Variants in ZNF280D observed in about 807,000 individuals in gnomAD.
The protein encoded by ZNF280D is suppressor of hairy wing homolog 4.
ZNF280D carries 39 observed loss-of-function variants against 94.7 expected under a neutral mutation model. The ratio of observed to expected loss-of-function variants is 0.41; its 90% confidence interval spans 0.32 to 0.54. The LOEUF (loss-of-function observed/expected upper bound fraction) is 0.54, where lower values mean the gene tolerates loss of function less well. Ranked by LOEUF, ZNF280D falls within the 20% of genes least tolerant of loss-of-function variation. ZNF280D has a pLI of 0.22. For missense variants in ZNF280D, 1,090 were observed against 1,149.3 expected (o/e 0.95, Z 0.75); for synonymous variants, 398 against 377.6 (o/e 1.05, Z -0.63).
chr15:56,704,641 T>G (rs908939972), intron 3 of ZNF280D, among the ~76,000 whole-genome samples: 4 of 152,126 alleles, frequency 2.6e-5, no homozygotes, highest in African/African-American at 9.7e-5. Flanking sequence ...CTAAGAATAA[T>G]AGGCAACAGG....
Position 56,662,549 on chromosome 15 carries a change from GGCACGGTGGCTCAT to G in ZNF280D, c.1994+3832_1994+3845del, listed in dbSNP as rs2054012242. Among the ~76,000 whole-genome samples, 5 of 152,150 alleles carry G rather than the reference GGCACGGTGGCTCAT, an allele frequency of 3.3e-5. No individual in the cohort carries two copies. The South Asian group carries it at 1.0e-3, about 32-fold the overall frequency. On this transcript the variant is annotated intron_variant, in intron 16 of 21. Coordinates refer to ENST00000267807, the MANE Select transcript of ZNF280D (RefSeq NM_017661.4). The stretch of plus-strand genomic sequence containing the variant: ...TACAATAAAAGGCAAAATAGGGCCA[GGCACGGTGGCTCAT>G]GCCTGTAATCCAGCACTTTGGGAGG...
At chr15:56,720,370 C>A (rs1193395651) in intron 1 of ZNF280D, among the ~76,000 whole-genome samples, 1 of 152,224 alleles carries the variant, frequency 6.6e-6, no homozygotes, top group African/African-American at 2.4e-5. Context: ...GGCTCCACTT[C>A]TAAATCCGGC....
chr15:56,659,432 A>C (rs181461743), intron 16 of ZNF280D, among the ~76,000 whole-genome samples: 1 of 152,084 alleles, frequency 6.6e-6, no homozygotes, highest in Non-Finnish European at 1.5e-5. Context: ...TTACACACAT[A>C]CAGCACAATA....
At chr15:56,720,403 C>G (rs1217215245) in intron 1 of ZNF280D, among the ~76,000 whole-genome samples, 1 of 152,206 alleles carries the variant, frequency 6.6e-6, no homozygotes, top group Non-Finnish European at 1.5e-5. Context: ...CCCATCACAT[C>G]TGCAGTTACT....
At chr15:56,684,997 G>C (rs2055898927) in intron 9 of ZNF280D, among the ~76,000 whole-genome samples, 1 of 152,070 alleles carries the variant, frequency 6.6e-6, no homozygotes, top group Non-Finnish European at 1.5e-5. Context: ...CAAACAAGAA[G>C]ATCAAACCAC....
intron 19 of ZNF280D, chr15:56,645,076 TTTAAGA>T (rs1209464037): frequency 6.6e-6 from 1 of 152,170 alleles, no homozygotes; most frequent in Non-Finnish European, 1.5e-5. Context: ...AAAAGTATAC[TTTAAGA>T]TTAATACTAC....
At position 56,689,470 on chromosome 15, in the gene ZNF280D, C is replaced by T. The variant is rs755780566; in HGVS notation, c.500G>A (p.Gly167Asp). ...YQGGPTLSMA[G>D]MSESSFLSKR... The stretch of plus-strand genomic sequence containing the variant: ...TGATAAAAATGAACTTTCACTCATA[C>T]CTACAATAATTTAAATAGTGAGAAA... The change falls in exon 8 of 22, where the codon GGT becomes GAT. Residue 167 changes from glycine to aspartate, a missense_variant and splice_region_variant. Coordinates refer to ENST00000267807, the MANE Select transcript of ZNF280D (RefSeq NM_017661.4). 2 of 1,498,278 alleles carry T rather than the reference C, an allele frequency of 1.3e-6. No individual in the cohort carries two copies. Among genetic ancestry groups the T allele is most frequent in the Non-Finnish European group, 1.8e-6 (2 of 1,114,842 alleles). 92.8% of individuals were successfully genotyped at this position (1,498,278 alleles called of 1,614,324 possible).
chr15:56,731,843 A>G (rs542699913), intron 1 of ZNF280D, among the ~76,000 whole-genome samples: 7 of 152,338 alleles, frequency 4.6e-5, no homozygotes, highest in Non-Finnish European at 8.8e-5. Context: ...TTCGAAAAAA[A>G]TAGCAAGTTG....
At chr15:56,681,640 T>A (rs1336468658) in intron 10 of ZNF280D, among the ~76,000 whole-genome samples, 1 of 152,130 alleles carries the variant, frequency 6.6e-6, no homozygotes, top group East Asian at 1.9e-4. Flanking sequence ...TACAGAATAG[T>A]TTCAAAGATT....
At chr15:56,698,230 A>G (rs1566998663) in intron 6 of ZNF280D, 2 of 152,296 alleles carry the variant, frequency 1.3e-5, no homozygotes, top group East Asian at 1.9e-4. Context: ...TATATATACT[A>G]GTTATGTGGA....
intron 1 of ZNF280D, among the ~76,000 whole-genome samples, chr15:56,727,991 T>A (rs973193965): frequency 1.3e-5 from 2 of 152,094 alleles, no homozygotes; most frequent in Admixed American, 6.6e-5. Context: ...AATGTGACAG[T>A]CTTTCATCCT....
chr15:56,653,513 G>C, intron 19 of ZNF280D: 1 of 1,519,714 alleles, frequency 6.6e-7, no homozygotes, highest in South Asian at 1.2e-5. Flanking sequence ...TGGAAAGAGA[G>C]AACAGGCATC....
At chr15:56,664,429 T>C (rs2054156817) in intron 16 of ZNF280D, among the ~76,000 whole-genome samples, 1 of 152,122 alleles carries the variant, frequency 6.6e-6, no homozygotes, top group Non-Finnish European at 1.5e-5. Flanking sequence ...AGATCCAAGT[T>C]AACTGAATAT....
At chr15:56,703,184 A>G (rs1346431850) in intron 4 of ZNF280D, among the ~76,000 whole-genome samples, 1 of 152,208 alleles carries the variant, frequency 6.6e-6, no homozygotes, top group African/African-American at 2.4e-5. Flanking sequence ...CAAAGCTAAT[A>G]AGCCACAAAG....
intron 9 of ZNF280D, among the ~76,000 whole-genome samples, chr15:56,687,826 A>G (rs1454789130): frequency 2.0e-5 from 3 of 152,198 alleles, no homozygotes; most frequent in African/African-American, 7.2e-5. Flanking sequence ...GTAAGGACAG[A>G]CCAAATATGG....
At chr15:56,663,315 A>C (rs1293755137) in intron 16 of ZNF280D, among the ~76,000 whole-genome samples, 1 of 151,502 alleles carries the variant, frequency 6.6e-6, no homozygotes, top group Non-Finnish European at 1.5e-5. Flanking sequence ...AAAGAAAGAA[A>C]ATTAATATGG....
chr15:56,633,968 C>G (rs961252282), intron 21 of ZNF280D: 2 of 151,812 alleles, frequency 1.3e-5, no homozygotes, highest in Non-Finnish European at 2.9e-5. Context: ...TATTTTTTAT[C>G]ATGGAAAATT....
chr15:56,701,874 A>G (rs1370766200), intron 4 of ZNF280D, among the ~76,000 whole-genome samples: 3 of 152,130 alleles, frequency 2.0e-5, no homozygotes, highest in African/African-American at 7.2e-5. Flanking sequence ...ACCAGAAGTC[A>G]ATCTGAGCCT....
At chr15:56,663,429 C>A (rs1008642991) in intron 16 of ZNF280D, among the ~76,000 whole-genome samples, 1 of 151,818 alleles carries the variant, frequency 6.6e-6, no homozygotes, top group African/African-American at 2.4e-5. Flanking sequence ...AGAGTTAGTA[C>A]GGGATAGGAA....
Sources: allele counts gnomAD v4.1 joint callset (sites outside exome capture counted in the v4.1 genomes callset), GRCh38; gene constraint gnomAD v4.1.1; transcripts MANE v1.5; gene names NCBI Gene and HGNC (gene_info 2026-07-23, HGNC 2026-07-21).